ILRUN: variants seen among roughly 807,000 people sequenced by gnomAD.
The protein encoded by ILRUN is inflammation and lipid regulator with UBA-like and NBR1-like domains.
A neutral mutation model predicts 33.8 loss-of-function variants in ILRUN; 3 were observed. That is an observed-to-expected ratio of 0.09 (90% CI 0.04 to 0.23). The LOEUF (loss-of-function observed/expected upper bound fraction) is 0.23. ILRUN is among the 10% of genes least tolerant of loss of function. The pLI is 1.00. For missense variants in ILRUN, 210 were observed against 375.1 expected (o/e 0.56, Z 3.64); for synonymous variants, 124 against 138.9 (o/e 0.89, Z 0.75).
chr6:34,675,705 A>AT (rs1250977255), intron 1 of ILRUN, among the ~76,000 whole-genome samples: 4 of 152,208 alleles, frequency 2.6e-5, no homozygotes, highest in African/African-American at 9.7e-5. Flanking sequence ...TGGAGGAACC[A>AT]TAAGAATCTA....
chr6:34,637,096 G>A (rs916648243), intron 3 of ILRUN, among the ~76,000 whole-genome samples: 2 of 152,084 alleles, frequency 1.3e-5, no homozygotes, highest in African/African-American at 4.8e-5. Context: ...ATTAAACCAA[G>A]GATGCATATT....
chr6:34,653,957 C>A (rs1170266525), intron 2 of ILRUN, among the ~76,000 whole-genome samples: 1 of 123,652 alleles, frequency 8.1e-6, no homozygotes, highest in Non-Finnish European at 1.6e-5. Flanking sequence ...GGCAACAGAG[C>A]GAGATGCTGT....
rs542160019 is a variant in ILRUN at position 34,611,936 on chromosome 6, T to C, written c.512-5032A>G. On this transcript the variant is annotated intron_variant, in intron 3 of 4. Coordinates refer to ENST00000374023, the MANE Select transcript of ILRUN (RefSeq NM_024294.4). The stretch of plus-strand genomic sequence containing the variant: ...TAAGTCAGTCCCATTTCCCAAGCCA[T>C]AGTATCTTTACCCACAGGTCTTTGG... Among the ~76,000 whole-genome samples the C allele has an allele frequency of 7.2e-5, 11 of 152,218 alleles. No individual in the cohort carries two copies. In the South Asian group the frequency reaches 1.0e-3, roughly 14 times the overall value.
chr6:34,617,701 G>A (rs150664691), intron 3 of ILRUN, among the ~76,000 whole-genome samples: 3 of 152,204 alleles, frequency 2.0e-5, no homozygotes, highest in East Asian at 1.9e-4. Flanking sequence ...CTGAAACTCC[G>A]CATCCCTACC....
chr6:34,629,717 G>C (rs1762206307), intron 3 of ILRUN, among the ~76,000 whole-genome samples: 1 of 152,120 alleles, frequency 6.6e-6, no homozygotes, highest in Non-Finnish European at 1.5e-5. Context: ...TTAATTTGGA[G>C]AAATTTTCAG....
At chr6:34,605,162 T>G (rs939934201) in intron 4 of ILRUN, among the ~76,000 whole-genome samples, 1 of 151,836 alleles carries the variant, frequency 6.6e-6, no homozygotes, top group Non-Finnish European at 1.5e-5. Flanking sequence ...CAAAATTAGC[T>G]GGGCGTGGTG....
intron 3 of ILRUN, among the ~76,000 whole-genome samples, chr6:34,630,220 C>T (rs985225190): frequency 2.6e-5 from 4 of 152,232 alleles, no homozygotes; most frequent in East Asian, 1.9e-4. Context: ...CAAGATGGAA[C>T]GCTCCTGAGA....
chr6:34,643,275 G>A (rs1272765019), intron 3 of ILRUN, among the ~76,000 whole-genome samples: 1 of 151,708 alleles, frequency 6.6e-6, no homozygotes, highest in Non-Finnish European at 1.5e-5. Flanking sequence ...CTCCAGCCTG[G>A]GCGACAAGAG....
At chr6:34,611,784 G>C (rs1053960985) in intron 3 of ILRUN, among the ~76,000 whole-genome samples, 12 of 152,284 alleles carry the variant, frequency 7.9e-5, no homozygotes, top group African/African-American at 2.6e-4. Flanking sequence ...AGAGGTAAAA[G>C]TGATGAGCTC....
At chr6:34,614,501 T>TATA (rs1554183835) in intron 3 of ILRUN, among the ~76,000 whole-genome samples, 2 of 98,170 alleles carry the variant, frequency 2.0e-5, no homozygotes, top group Middle Eastern at 4.6e-3. Context: ...ATATATTATA[T>TATA]TTTATATATA....
chr6:34,614,138 C>A (rs1457262785), intron 3 of ILRUN, among the ~76,000 whole-genome samples: 1 of 152,074 alleles, frequency 6.6e-6, no homozygotes, highest in Non-Finnish European at 1.5e-5. Context: ...ATACATGAAT[C>A]CTGGCTGGGT....
chr6:34,681,489 T>C (rs1198079499), intron 1 of ILRUN, among the ~76,000 whole-genome samples: 1 of 152,112 alleles, frequency 6.6e-6, no homozygotes, highest in Non-Finnish European at 1.5e-5. Flanking sequence ...TTTCACCGGG[T>C]GTGGCGGCTC....
At chr6:34,651,387 T>A (rs892511899) in intron 2 of ILRUN, among the ~76,000 whole-genome samples, 6 of 151,170 alleles carry the variant, frequency 4.0e-5, no homozygotes, top group Non-Finnish European at 7.4e-5. Flanking sequence ...CCAAGAGAGA[T>A]TTTTGTAAGT....
chr6:34,683,507 T>TATAC (rs1763447929), intron 1 of ILRUN, among the ~76,000 whole-genome samples: 1 of 74,704 alleles, frequency 1.3e-5, no homozygotes, highest in African/African-American at 8.1e-5. Context: ...TACATATATA[T>TATAC]ATATATACAT....
intron 1 of ILRUN, among the ~76,000 whole-genome samples, chr6:34,664,398 T>C (rs1349546596): frequency 6.6e-6 from 1 of 152,120 alleles, no homozygotes; most frequent in African/African-American, 2.4e-5. Context: ...CTCAAACTCC[T>C]GGGTTCAAGG....
Position 34,649,995 on chromosome 6 carries a change from T to C in ILRUN, c.314-3197A>G, listed in dbSNP as rs569639517. 9.5e-4 allele frequency among the ~76,000 whole-genome samples: 145 copies of C among 152,350 alleles called. 2 individuals are homozygous for C. The South Asian group carries it at 0.028, about 29-fold the overall frequency. Reference sequence around the variant, plus strand: ...TTTCCCATCCCTTTATATTCACTTCTATGAAGTTCAAAAAATAAAGACGAC... The same window carrying C: ...TTTCCCATCCCTTTATATTCACTTCCATGAAGTTCAAAAAATAAAGACGAC... On this transcript the variant is annotated intron_variant, in intron 2 of 4. Transcript: ENST00000374023.
At chr6:34,681,252 A>C (rs1763352565) in intron 1 of ILRUN, among the ~76,000 whole-genome samples, 1 of 152,096 alleles carries the variant, frequency 6.6e-6, no homozygotes, top group Non-Finnish European at 1.5e-5. Flanking sequence ...CTCAGGCTCA[A>C]AACACACTAA....
At chr6:34,628,482 G>A (rs572185412) in intron 3 of ILRUN, among the ~76,000 whole-genome samples, 4 of 152,066 alleles carry the variant, frequency 2.6e-5, no homozygotes, top group Admixed American at 2.0e-4. Flanking sequence ...GCACTCACCT[G>A]CCACCACGCC....
intron 3 of ILRUN, among the ~76,000 whole-genome samples, chr6:34,620,450 T>C (rs867303578): frequency 6.6e-5 from 10 of 152,190 alleles, no homozygotes; most frequent in African/African-American, 2.4e-4. Context: ...CGGGTATGTC[T>C]AATTTAACCT....
Sources: gnomAD v4.1 joint callset for allele counts (sites outside exome capture counted in the v4.1 genomes callset) on GRCh38, gnomAD v4.1.1 for gene constraint, MANE v1.5 for transcripts, NCBI Gene and HGNC (gene_info 2026-07-23, HGNC 2026-07-21) for gene names.